The following ERICH1 variants were observed in gnomAD, a reference collection of about 807,000 sequenced individuals.
ERICH1 encodes glutamate rich 1.
A neutral mutation model predicts 39.6 loss-of-function variants in ERICH1; 56 were observed. The ratio of observed to expected loss-of-function variants is 1.41; its 90% CI spans 1.14 to 1.77. ERICH1 has a LOEUF of 1.77. ERICH1 is among the 40% of genes most tolerant of loss of function. ERICH1 has a pLI of 0.00. For missense variants in ERICH1, 826 were observed against 575.4 expected (o/e 1.44, Z -4.45); for synonymous variants, 313 against 223.6 (o/e 1.40, Z -3.57).
chr8:713,875 C>G (rs544875097), intron 2 of ERICH1, among the ~76,000 whole-genome samples: 101 of 152,298 alleles, frequency 6.6e-4, no homozygotes, highest in African/African-American at 2.4e-3. Context: ...GAAATGGCAC[C>G]CAGGAACCCA....
chr8:679,244 G>T (rs1220606224), intron 3 of ERICH1, among the ~76,000 whole-genome samples: 1 of 132,054 alleles, frequency 7.6e-6, no homozygotes, highest in Non-Finnish European at 1.6e-5. Context: ...CACAGCTTCA[G>T]CTCCGACCCC....
chr8:636,047 C>T (rs541623874), intron 3 of ERICH1, among the ~76,000 whole-genome samples: 2 of 152,344 alleles, frequency 1.3e-5, no homozygotes, highest in South Asian at 4.1e-4. Flanking sequence ...GCTGTGGGCT[C>T]CTTCATGCCA....
At chr8:684,008 G>A (rs1237487041) in intron 3 of ERICH1, among the ~76,000 whole-genome samples, 2 of 152,122 alleles carry the variant, frequency 1.3e-5, no homozygotes, top group Non-Finnish European at 2.9e-5. Flanking sequence ...TATGTTTCAT[G>A]TTTACATGTT....
intron 3 of ERICH1, among the ~76,000 whole-genome samples, chr8:674,269 G>C (rs551358238): frequency 1.4e-5 from 2 of 142,370 alleles, no homozygotes; most frequent in Admixed American, 1.4e-4. Flanking sequence ...AATATATGGT[G>C]TGTTTTGAAG....
chr8:618,350 T>C (rs1797062103), intron 3 of ERICH1, among the ~76,000 whole-genome samples: 1 of 149,804 alleles, frequency 6.7e-6, no homozygotes, highest in Non-Finnish European at 1.5e-5. Context: ...GCCTTTTGAG[T>C]GCTCGTACTT....
Position 647,274 on chromosome 8 carries a change from C to T in ERICH1, c.976+21324G>A, listed in dbSNP as rs1437425222. ...TGTCTCTGAACCACAACTGTTACAA[C>T]GGTGGCACTGGCGACAAGACGCGTG... On this transcript the variant is annotated intron_variant, in intron 3 of 3. Transcript: ENST00000522706. 4.4e-5 allele frequency among the ~76,000 whole-genome samples: 3 copies of T among 68,002 alleles called. 1 individual carries two copies. The highest frequency in any genetic ancestry group is 1.1e-4 in the African/African-American group (3 of 26,148). 44.6% of individuals were successfully genotyped at this position (68,002 alleles called of 152,430 possible).
At chr8:716,572 A>C (rs1816058797) in intron 1 of ERICH1, among the ~76,000 whole-genome samples, 1 of 152,260 alleles carries the variant, frequency 6.6e-6, no homozygotes, top group Admixed American at 6.5e-5. Context: ...GACGTGGTTT[A>C]ACGACTAAAC....
chr8:658,186 C>T (rs573873773), intron 3 of ERICH1, among the ~76,000 whole-genome samples: 4 of 152,362 alleles, frequency 2.6e-5, no homozygotes, highest in African/African-American at 9.6e-5. Context: ...TCCTGGACTT[C>T]CTCACCCACC....
intron 5 of ERICH1, chr8:665,850 G>A (rs1292986852): frequency 1.3e-5 from 2 of 152,178 alleles, no homozygotes; most frequent in African/African-American, 4.8e-5. Flanking sequence ...TCTCAAATGT[G>A]ATCTCTGTGC....
chr8:666,227 C>A (rs771807536), intron 5 of ERICH1: 44 of 152,158 alleles, frequency 2.9e-4, no homozygotes, highest in Non-Finnish European at 5.3e-4. Context: ...CCACAACTGC[C>A]AAAACTCTTT....
Position 715,927 on chromosome 8 carries a change from C to A in ERICH1, c.103G>T (p.Val35Phe), listed in dbSNP as rs369573218. 1.2e-6 allele frequency: 2 copies of A among 1,613,850 alleles called. No homozygotes were observed. The highest frequency in any genetic ancestry group is 1.1e-5 in the South Asian group (1 of 91,000). ...GTCACTTTCTTTGGTGGATTTTGGACGGCCAGCGTCTGGGGTTCCCTCTTT... is the reference window on the plus strand; with the variant it reads ...GTCACTTTCTTTGGTGGATTTTGGAAGGCCAGCGTCTGGGGTTCCCTCTTT... ...QGKREPQTLAVQNPPKKVTSE... is the reference protein window; with the variant it reads ...QGKREPQTLAFQNPPKKVTSE... Residue 35 changes from valine (V) to phenylalanine (F), a missense_variant, in exon 2 of 6, where the codon GTC (valine) becomes TTC (phenylalanine). Transcript: ENST00000262109.
chr8:720,874 G>A (rs1817163611), intron 1 of ERICH1, among the ~76,000 whole-genome samples: 1 of 152,168 alleles, frequency 6.6e-6, no homozygotes, highest in South Asian at 2.1e-4. Flanking sequence ...GCTGGAATGA[G>A]CCTGAAGCCA....
Position 645,783 on chromosome 8 carries a change from C to G in ERICH1, c.976+22815G>C, listed in dbSNP as rs1182425936. Among the ~76,000 whole-genome samples, 6 of 69,684 alleles carry G rather than the reference C, an allele frequency of 8.6e-5. 2 individuals are homozygous for G. The highest frequency in any genetic ancestry group is 2.2e-4 in the African/African-American group (6 of 27,660). 45.7% of individuals were successfully genotyped at this position (69,684 alleles called of 152,430 possible). The stretch of plus-strand genomic sequence containing the variant: ...GGATTACAGGCGTGAGCCACGGTGC[C>G]CAGCCCAGAAATCTGAATTTCTAGG... On this transcript the variant is annotated intron_variant, in intron 3 of 3. Coordinates refer to the ERICH1 transcript ENST00000522706.
chr8:683,469 T>G (rs1806595764), intron 3 of ERICH1, among the ~76,000 whole-genome samples: 1 of 152,186 alleles, frequency 6.6e-6, no homozygotes, highest in Admixed American at 6.5e-5. Flanking sequence ...TAAAGAGGAC[T>G]TGAAGAGTTC....
At position 730,516 on chromosome 8, in the gene ERICH1, T is replaced by C. The variant is rs1276766296; in HGVS notation, c.22+624A>G. 4.6e-5 allele frequency among the ~76,000 whole-genome samples: 7 copies of C among 152,226 alleles called. No homozygotes were observed. In the South Asian group the frequency reaches 1.4e-3, roughly 32 times the overall value. On this transcript the variant is annotated intron_variant, in intron 1 of 5. Coordinates refer to ENST00000262109, the MANE Select transcript of ERICH1 (RefSeq NM_207332.3). ...CACGGTGAGGGTAATGAGCTGGGGT[T>C]TGCAGGAAGCAGGAGCACGCTTTAT...
At chr8:668,834 T>G (rs770370565) in intron 4 of ERICH1, 42 bp from the exon 5 acceptor site, 5 of 1,533,338 alleles carry the variant, frequency 3.3e-6, no homozygotes, top group Non-Finnish European at 3.5e-6. Context: ...GTTTTGTTTT[T>G]ATTTCTATAA....
At chr8:726,318 G>T (rs1206190107) in intron 1 of ERICH1, among the ~76,000 whole-genome samples, 1 of 152,008 alleles carries the variant, frequency 6.6e-6, no homozygotes, top group East Asian at 1.9e-4. Context: ...GCCACACGCA[G>T]ACACGTGTAT....
At chr8:693,131 AC>A (rs1417246047) in intron 2 of ERICH1, among the ~76,000 whole-genome samples, 9 of 152,062 alleles carry the variant, frequency 5.9e-5, no homozygotes, top group African/African-American at 2.2e-4. Flanking sequence ...ACAGAGACAC[AC>A]ACAGATACAA....
At chr8:617,878 C>T (rs1443698836) in intron 3 of ERICH1, among the ~76,000 whole-genome samples, 1 of 148,822 alleles carries the variant, frequency 6.7e-6, no homozygotes, top group South Asian at 2.2e-4. Context: ...CATCTGTTCT[C>T]ACTGCCCTCT....
Sources: gnomAD v4.1 joint callset for allele counts (sites outside exome capture counted in the v4.1 genomes callset) on GRCh38, gnomAD v4.1.1 for gene constraint, MANE v1.5 for transcripts, NCBI Gene and HGNC (gene_info 2026-07-23, HGNC 2026-07-21) for gene names.